MGMT: variants seen among roughly 807,000 people sequenced by gnomAD.
The protein encoded by MGMT is O-6-methylguanine-DNA methyltransferase.
Under a neutral mutation model 15.9 loss-of-function variants are expected in MGMT, and 14 were observed. That is an observed-to-expected ratio of 0.88 (90% CI 0.58 to 1.37). MGMT has a LOEUF of 1.37. MGMT is among the 40% of genes most tolerant of loss of function. The pLI is 0.00. For synonymous variants in MGMT, 130 were observed against 118.2 expected, an observed-to-expected ratio of 1.10 and a Z score of -0.65; for missense variants, 282 against 268.1, an observed-to-expected ratio of 1.05 and a Z score of -0.36.
intron 2 of MGMT, among the ~76,000 whole-genome samples, chr10:129,562,463 T>G (rs752409177): frequency 6.6e-6 from 1 of 152,246 alleles, no homozygotes. Flanking sequence ...CAAAGAGAAC[T>G]TCCTGGAATA....
rs4483506 is a variant in MGMT at position 129,740,309 on chromosome 10, C to T, written c.275-18893C>T. On this transcript the variant is annotated intron_variant, in intron 3 of 4. Transcript: ENST00000651593. ...CTGTGGAGCCACAGCTGCTGAGGTC[C>T]GGTGTTTTTAAAGCCTGAGAGAGGC... Among the ~76,000 whole-genome samples the T allele has an allele frequency of 5.7e-3, 863 of 152,134 alleles. 7 individuals carry two copies. The highest frequency in any genetic ancestry group is 0.01 in the Middle Eastern group (3 of 294).
intron 1 of MGMT, among the ~76,000 whole-genome samples, chr10:129,492,588 C>T (rs1403460027): frequency 1.3e-5 from 2 of 152,186 alleles, no homozygotes; most frequent in African/African-American, 4.8e-5. Flanking sequence ...ATGCCATCCC[C>T]AATGGGCCAC....
rs1847368779 is a variant in MGMT, at chr10:129,644,886, T to C, written c.126-63009T>C. Among the ~76,000 whole-genome samples, 3 of 152,162 alleles carry C rather than the reference T, an allele frequency of 2.0e-5. No homozygotes were observed. The South Asian group carries it at 6.2e-4, about 32-fold the overall frequency. On this transcript the variant is annotated intron_variant, in intron 2 of 4. Transcript: ENST00000651593. ...TCTTACTTTTTGCACATCTCTTCAC[T>C]GCGTGGCAGGTCCTGTGGAGGCAGA...
chr10:129,479,548 C>T (rs370993494), intron 1 of MGMT, among the ~76,000 whole-genome samples: 5 of 152,098 alleles, frequency 3.3e-5, no homozygotes, highest in African/African-American at 9.7e-5. Context: ...CTTATGAGAA[C>T]GTCTCCCAAA....
chr10:129,545,455 T>C (rs1010931481), intron 2 of MGMT, among the ~76,000 whole-genome samples: 8 of 152,334 alleles, frequency 5.3e-5, no homozygotes, highest in African/African-American at 1.9e-4. Flanking sequence ...ACTGTACACA[T>C]GAGTCATTGT....
chr10:129,697,080 G>A (rs6482748), intron 2 of MGMT, among the ~76,000 whole-genome samples: 4 of 152,020 alleles, frequency 2.6e-5, no homozygotes, highest in Non-Finnish European at 5.9e-5. Flanking sequence ...GCTTGAGACT[G>A]TATGATGTGG....
In MGMT at chr10:129,659,168, C is replaced by T. The variant is rs931117464; in HGVS notation, c.126-48727C>T. Among the ~76,000 whole-genome samples, 2 of 152,016 alleles carry T rather than the reference C, an allele frequency of 1.3e-5. No homozygotes were observed. The highest frequency in any genetic ancestry group is 2.9e-5 in the Non-Finnish European group (2 of 68,016). ...GGTCAGGAGTTCGAGACCAGCCTGG[C>T]CAACACAGTGAAACCCCATCTCTAC... On this transcript the variant is annotated intron_variant, in intron 2 of 4. Transcript: ENST00000651593. The surrounding 1 kb of genome is among the most constrained non-coding windows in gnomAD (Gnocchi z 4.1).
At chr10:129,684,445 G>A (rs74701047) in intron 2 of MGMT, among the ~76,000 whole-genome samples, 4,086 of 152,238 alleles carry the variant, frequency 0.027, 101 homozygotes, top group East Asian at 0.07. Flanking sequence ...TTGTATGTGC[G>A]TGAGACCAAC....
chr10:129,521,683 C>T (rs1845812463), intron 1 of MGMT, among the ~76,000 whole-genome samples: 1 of 152,204 alleles, frequency 6.6e-6, no homozygotes, highest in Non-Finnish European at 1.5e-5. Context: ...GGAGCGTCTA[C>T]CTGCTGGGGT....
At position 129,585,432 on chromosome 10, in the gene MGMT, G is replaced by A. The variant is rs186461117; in HGVS notation, c.125+49055G>A. Reference sequence around the variant, plus strand: ...AGAACACCAGCAGATGCTGGAAACCGTAGAAGGCACCAAACCCTTGGTATC... The same window carrying A: ...AGAACACCAGCAGATGCTGGAAACCATAGAAGGCACCAAACCCTTGGTATC... On this transcript the variant is annotated intron_variant, in intron 2 of 4. Transcript: ENST00000651593. Among the ~76,000 whole-genome samples the A allele has an allele frequency of 2.4e-3, 358 of 152,296 alleles. 4 individuals are homozygous for A. Among genetic ancestry groups the A allele is most frequent in the Non-Finnish European group, 3.2e-3 (215 of 68,016 alleles).
intron 2 of MGMT, among the ~76,000 whole-genome samples, chr10:129,674,028 G>A (rs1269848823): frequency 6.6e-6 from 1 of 152,178 alleles, no homozygotes; most frequent in Non-Finnish European, 1.5e-5. Flanking sequence ...CTTGGCTGTT[G>A]TAGGAAGGCA....
chr10:129,689,048 G>A (rs1847942419), intron 2 of MGMT, among the ~76,000 whole-genome samples: 1 of 152,096 alleles, frequency 6.6e-6, no homozygotes, highest in South Asian at 2.1e-4. Flanking sequence ...TGCAACCTCA[G>A]CCTCCTGGGT....
chr10:129,683,632 A>G (rs551709764), intron 2 of MGMT, among the ~76,000 whole-genome samples: 24 of 152,228 alleles, frequency 1.6e-4, no homozygotes, highest in African/African-American at 5.8e-4. Context: ...TTCAGTGTAT[A>G]TTGACTTGGC....
chr10:129,691,518 A>G (rs11016879), intron 2 of MGMT, among the ~76,000 whole-genome samples: 100,336 of 152,152 alleles, frequency 0.66, 33,759 homozygotes, highest in African/African-American at 0.8. Context: ...AGCAGCCTTC[A>G]AGAGGACAGG....
At chr10:129,697,170 A>C (rs892357648) in intron 2 of MGMT, among the ~76,000 whole-genome samples, 3 of 152,214 alleles carry the variant, frequency 2.0e-5, no homozygotes, top group Non-Finnish European at 4.4e-5. Context: ...TCTTTGAATA[A>C]TGGGGCAGTG....
chr10:129,651,979 T>C (rs1847463797), intron 2 of MGMT, among the ~76,000 whole-genome samples: 1 of 152,196 alleles, frequency 6.6e-6, no homozygotes, highest in African/African-American at 2.4e-5. Context: ...ATGTTCAGCG[T>C]TGGCCAGGAT....
chr10:129,636,136 G>A (rs941226800), intron 2 of MGMT, among the ~76,000 whole-genome samples: 1 of 152,166 alleles, frequency 6.6e-6, no homozygotes, highest in Non-Finnish European at 1.5e-5. Context: ...GAAGTACAAC[G>A]TTCACCTTCA....
intron 2 of MGMT, among the ~76,000 whole-genome samples, chr10:129,554,658 T>G (rs1846193141): frequency 6.6e-6 from 1 of 152,186 alleles, no homozygotes. Context: ...CACCCCTTTC[T>G]GTATTGCAGG....
intron 1 of MGMT, among the ~76,000 whole-genome samples, chr10:129,497,962 G>A (rs2119670474): frequency 6.6e-6 from 1 of 152,326 alleles, no homozygotes; most frequent in Non-Finnish European, 1.5e-5. Context: ...TGTTTACAAA[G>A]CACCCAGTCT....
Sources: gnomAD v4.1 joint callset for allele counts (sites outside exome capture counted in the v4.1 genomes callset) on GRCh38, gnomAD v4.1.1 for gene constraint, Gnocchi (gnomAD v3.1) non-coding constraint, MANE v1.5 for transcripts, NCBI Gene and HGNC (gene_info 2026-07-23, HGNC 2026-07-21) for gene names.